The following ERAP1 variants were observed in gnomAD, a reference collection of about 807,000 sequenced individuals.
The protein encoded by ERAP1 is adipocyte-derived leucine aminopeptidase.
Under a neutral mutation model 103.7 loss-of-function variants are expected in ERAP1, and 86 were observed. The ratio of observed to expected loss-of-function variants is 0.83; its 90% CI spans 0.70 to 0.99. The LOEUF (loss-of-function observed/expected upper bound fraction) is 0.99. Ranked by LOEUF, ERAP1 falls within the 50% of genes least tolerant of loss-of-function variation. ERAP1 has a pLI of 0.00. For synonymous variants in ERAP1, 398 were observed against 402.4 expected (o/e 0.99, Z 0.13); for missense variants, 1,009 against 1,128.4 (o/e 0.89, Z 1.52).
upstream of ERAP1, among the ~76,000 whole-genome samples, chr5:96,809,004 G>T (rs905116666): frequency 6.6e-6 from 1 of 152,154 alleles, no homozygotes; most frequent in South Asian, 2.1e-4. Context: ...CATTTTTAGG[G>T]TTATTTCTTG....
intron 7 of ERAP1, among the ~76,000 whole-genome samples, chr5:96,792,990 A>G (rs774902650): frequency 3.3e-5 from 5 of 152,168 alleles, no homozygotes; most frequent in African/African-American, 4.8e-5. Context: ...TTGTTATACA[A>G]TCAAATGTGC....
chr5:96,904,204 G>A, the ERAP1 span, among the ~76,000 whole-genome samples: 6 of 152,142 alleles, frequency 3.9e-5, no homozygotes, highest in Non-Finnish European at 7.3e-5. Flanking sequence ...TTTCCTGGAA[G>A]GACAAAGTGT....
the ERAP1 span, among the ~76,000 whole-genome samples, chr5:96,825,609 A>G: frequency 8.5e-5 from 13 of 152,236 alleles, no homozygotes; most frequent in Admixed American, 3.9e-4. Context: ...AAGGAAGAAG[A>G]CAAGCACAGG....
the ERAP1 span, among the ~76,000 whole-genome samples, chr5:96,813,650 CAAAAAA>C: frequency 9.1e-5 from 5 of 55,166 alleles, no homozygotes; most frequent in Admixed American, 2.2e-4. Context: ...AGACTCATCT[CAAAAAA>C]AAAAAAAAAA....
At chr5:96,926,178 G>A in the ERAP1 span, among the ~76,000 whole-genome samples, 1 of 152,114 alleles carries the variant, frequency 6.6e-6, no homozygotes, top group Non-Finnish European at 1.5e-5. Context: ...CCAAAGTGCT[G>A]GGATTACAGG....
chr5:96,854,563 A>C, the ERAP1 span, among the ~76,000 whole-genome samples: 1 of 152,190 alleles, frequency 6.6e-6, no homozygotes, highest in Non-Finnish European at 1.5e-5. Flanking sequence ...AAAACTTCAC[A>C]TTTTGGAAAA....
intron 5 of ERAP1, among the ~76,000 whole-genome samples, chr5:96,794,163 T>A (rs1258211999): frequency 7.2e-6 from 1 of 138,628 alleles, no homozygotes; most frequent in African/African-American, 2.6e-5. Context: ...CAGACTTGCA[T>A]CTCAGGCCTT....
At chr5:96,762,113 AAG>A (rs1442421072) in exon 20 of ERAP1, 9 of 453,392 alleles carry the variant, frequency 2.0e-5, no homozygotes, top group Non-Finnish European at 3.6e-5. Context: ...ATAGAGAAGA[AAG>A]AATTTAAATT....
downstream of ERAP1, chr5:96,770,274 G>T (rs190657538): frequency 4.8e-3 from 2,199 of 453,496 alleles, 45 homozygotes; most frequent in Admixed American, 0.033. Context: ...ATAAGGTCTG[G>T]GTGAGTCAGG....
chr5:96,856,367 G>T, the ERAP1 span, among the ~76,000 whole-genome samples: 9,697 of 44,860 alleles, frequency 0.22, 938 homozygotes, highest in East Asian at 0.5. Flanking sequence ...TATATATATA[G>T]AGAGAGAGAG....
chr5:96,816,883 T>C, the ERAP1 span, among the ~76,000 whole-genome samples: 3 of 152,184 alleles, frequency 2.0e-5, no homozygotes, highest in Non-Finnish European at 4.4e-5. Flanking sequence ...GTGCCTATTT[T>C]GTAGTTGTGA....
the ERAP1 span, chr5:96,909,507 C>T: frequency 8.8e-7 from 1 of 1,133,862 alleles, no homozygotes; most frequent in African/African-American, 1.5e-5. Flanking sequence ...TAGAGTTGAG[C>T]CCTTTAGATG....
At chr5:96,766,032 A>G (rs200254709) in intron 19 of ERAP1, 23 of 1,305,214 alleles carry the variant, frequency 1.8e-5, no homozygotes, top group Admixed American at 3.5e-5. Flanking sequence ...TATTAATTCT[A>G]TCTGCTCACT....
the ERAP1 span, among the ~76,000 whole-genome samples, chr5:96,874,142 G>GAAAGAAAGA: frequency 9.8e-4 from 96 of 98,294 alleles, 2 homozygotes; most frequent in East Asian, 0.029. Flanking sequence ...GAGAGAGAAA[G>GAAAGAAAGA]AAAGAAAGAA....
rs780398020 is a variant in ERAP1, at chr5:96,803,691, G to A, written c.236C>T (p.Thr79Ile). 3.7e-6 allele frequency: 6 copies of A among 1,614,190 alleles called. No individual in the cohort carries two copies. The East Asian group carries it at 8.9e-5, about 24-fold the overall frequency. The change falls in exon 2 of 19, where the codon ACC becomes ATC. Residue 79 changes from threonine (T) to isoleucine (I), a missense_variant. By Grantham distance (89) the Thr-to-Ile change is moderately conservative (BLOSUM62 -1). Around this residue, in one of 3 missense-constraint regions of ERAP1, gnomAD observed 392 missense variants for 455.2 expected, o/e 0.86. Transcript: ENST00000443439. The stretch of plus-strand genomic sequence containing the variant: ...ACTGGCTGTGATTTCTACTTTCGTG[G>A]TTCCCCAGAAGGTCAGCGTGGTAAG... ...ANLTTLTFWG[T>I]TKVEITASQP...
the ERAP1 span, chr5:96,881,393 G>A: frequency 8.8e-6 from 4 of 455,784 alleles, no homozygotes; most frequent in Non-Finnish European, 1.8e-5. Flanking sequence ...CTGACATATT[G>A]GTCATGTGAG....
chr5:96,932,844 A>ATTAATGGTTTTCAAGTGT, the ERAP1 span, among the ~76,000 whole-genome samples: 1 of 152,134 alleles, frequency 6.6e-6, no homozygotes, highest in Non-Finnish European at 1.5e-5. Context: ...AACTCTCCAA[A>ATTAATGGTTTTCAAGTGT]TTAATGGTTT....
Position 96,768,702 on chromosome 5 carries a change from C to T in ERAP1, c.2819-5474G>A, listed in dbSNP as rs756570973. ...AGGCCCTAACTACATCAGGCACTCT[C>T]ATGCTCATTTGCTCTCTGGAGCTTC... On this transcript the variant is annotated intron_variant, in intron 19 of 19. Transcript: ENST00000296754. Among the ~76,000 whole-genome samples the T allele has an allele frequency of 2.2e-4, 33 of 152,334 alleles. 1 individual carries two copies. The highest frequency in any genetic ancestry group is 1.0e-3 in the South Asian group (5 of 4,830).
At position 96,783,096 on chromosome 5, in the gene ERAP1, G is replaced by T; in HGVS notation, c.2240C>A (p.Ala747Glu). The T allele has an allele frequency of 1.9e-6, 3 of 1,614,170 alleles. No homozygotes were observed. Among genetic ancestry groups the T allele is most frequent in the Non-Finnish European group, 2.5e-6 (3 of 1,180,050 alleles). Reference sequence around the variant, plus strand: ...CTTCCACTTTCTGAAATAGCCTTCTGCCCTCTGTACGCACGGCTGATAGTT... The same window carrying T: ...CTTCCACTTTCTGAAATAGCCTTCTTCCCTCTGTACGCACGGCTGATAGTT... Reference protein sequence around the residue: ...VHNYQPCVQRAEGYFRKWKES... With the variant: ...VHNYQPCVQREEGYFRKWKES... The change falls in exon 15 of 19, where the codon GCA (alanine) becomes GAA (glutamate). Residue 747 changes from alanine (A) to glutamate (E), a missense_variant. Ala to Glu is a moderately radical substitution (Grantham distance 107, BLOSUM62 -1). Transcript: ENST00000443439.
Sources: allele counts gnomAD v4.1 joint callset (sites outside exome capture counted in the v4.1 genomes callset), GRCh38; gene constraint gnomAD v4.1.1; regional missense constraint gnomAD v4.1.1; transcripts MANE v1.5; gene names NCBI Gene and HGNC (gene_info 2026-07-23, HGNC 2026-07-21).